Variants in ANKS1B observed in about 807,000 individuals in gnomAD.
ANKS1B encodes ankyrin repeat and sterile alpha motif domain containing 1B.
Under a neutral mutation model 148.3 loss-of-function variants are expected in ANKS1B, and 36 were observed. That is an observed-to-expected ratio of 0.24 (90% CI 0.19 to 0.32). The LOEUF (loss-of-function observed/expected upper bound fraction) is 0.32. Ranked by LOEUF, ANKS1B falls within the 10% of genes least tolerant of loss-of-function variation. The probability of loss-of-function intolerance (pLI) is 1.00; values close to 1 mark genes in which losing one functional copy is unlikely to be tolerated. For synonymous variants in ANKS1B, 542 were observed against 560.8 expected (o/e 0.97, Z 0.47); for missense variants, 1,157 against 1,542.6 (o/e 0.75, Z 4.19).
intron 17 of ANKS1B, among the ~76,000 whole-genome samples, chr12:98,902,789 T>G (rs1415140061): frequency 2.0e-5 from 3 of 152,164 alleles, no homozygotes; most frequent in Admixed American, 6.5e-5. Flanking sequence ...CCACAATAAT[T>G]ATTCAACCAG....
At chr12:99,547,346 A>G (rs985610025) in intron 9 of ANKS1B, among the ~76,000 whole-genome samples, 6 of 152,180 alleles carry the variant, frequency 3.9e-5, no homozygotes, top group African/African-American at 1.4e-4. Context: ...GGTATAAAAT[A>G]TAAGTTCTTA....
intron 9 of ANKS1B, among the ~76,000 whole-genome samples, chr12:99,573,189 C>T (rs1466652326): frequency 5.3e-5 from 8 of 152,024 alleles, no homozygotes; most frequent in Non-Finnish European, 1.0e-4. Flanking sequence ...TATTGATTTA[C>T]TAATATAGCT....
At chr12:99,331,017 T>C (rs1215064414) in intron 12 of ANKS1B, among the ~76,000 whole-genome samples, 1 of 151,992 alleles carries the variant, frequency 6.6e-6, no homozygotes, top group Non-Finnish European at 1.5e-5. Context: ...AAACAATGCA[T>C]TGATGAATCC....
intron 17 of ANKS1B, among the ~76,000 whole-genome samples, chr12:98,982,345 A>G (rs2099912448): frequency 6.6e-6 from 1 of 151,982 alleles, no homozygotes. Context: ...TCTGCTCTGC[A>G]GACTATCTTT....
At chr12:99,956,079 G>C (rs1456829952) in intron 1 of ANKS1B, among the ~76,000 whole-genome samples, 1 of 151,984 alleles carries the variant, frequency 6.6e-6, no homozygotes, top group Admixed American at 6.6e-5. Flanking sequence ...AGGAGTTCAA[G>C]ACCAGTCTGG....
chr12:99,631,243 T>C (rs1317952829), intron 9 of ANKS1B, among the ~76,000 whole-genome samples: 1 of 152,180 alleles, frequency 6.6e-6, no homozygotes, highest in Non-Finnish European at 1.5e-5. Flanking sequence ...AAATACAAAT[T>C]TATTTTCTTT....
At position 99,369,947 on chromosome 12, in the gene ANKS1B, G is replaced by A. The variant is rs796143615; in HGVS notation, c.1756+29684C>T. ...GTAGGTTGTTGGGTGATGGGCATAC[G>A]TTAATTACACTGTTCTTTCAACTTG... On this transcript the variant is annotated intron_variant, in intron 12 of 26. Coordinates refer to ENST00000683438, the MANE Select transcript of ANKS1B (RefSeq NM_001352186.2). 7.2e-5 allele frequency among the ~76,000 whole-genome samples: 11 copies of A among 152,140 alleles called. No individual in the cohort carries two copies. In the East Asian group the frequency reaches 7.7e-4, roughly 11 times the overall value.
rs1434790544 is a variant in ANKS1B, at chr12:99,324,065, A to T, written c.1756+75566T>A. On this transcript the variant is annotated intron_variant, in intron 12 of 26. Transcript: ENST00000683438. ...AAACTAGTGCTCTTAACTTTATGCC[A>T]TTCCCACAATAATCATAAGCAATGA... Among the ~76,000 whole-genome samples, 8 of 152,182 alleles carry T rather than the reference A, an allele frequency of 5.3e-5. No homozygotes were observed. The South Asian group carries it at 1.7e-3, about 31-fold the overall frequency.
chr12:99,660,352 TTTTTC>T (rs957328549), intron 8 of ANKS1B, among the ~76,000 whole-genome samples: 11 of 134,274 alleles, frequency 8.2e-5, no homozygotes, highest in Admixed American at 4.0e-4. Flanking sequence ...TTTATCTTTC[TTTTTC>T]TTTTTCTTTT....
intron 1 of ANKS1B, among the ~76,000 whole-genome samples, chr12:99,829,644 G>A (rs2083677866): frequency 6.6e-6 from 1 of 151,670 alleles, no homozygotes; most frequent in Non-Finnish European, 1.5e-5. Flanking sequence ...GCGAGACTCC[G>A]TCTCAAAAAC....
At chr12:98,787,652 G>C (rs2098807922) in intron 22 of ANKS1B, among the ~76,000 whole-genome samples, 1 of 152,176 alleles carries the variant, frequency 6.6e-6, no homozygotes, top group African/African-American at 2.4e-5. Context: ...GGGCGTGGTG[G>C]TTCTCGCCTG....
intron 19 of ANKS1B, among the ~76,000 whole-genome samples, chr12:98,815,960 A>T (rs964949496): frequency 6.6e-6 from 1 of 152,146 alleles, no homozygotes; most frequent in Admixed American, 6.5e-5. Context: ...AACACAGAAG[A>T]TAATTCAGTC....
At chr12:99,136,089 T>A (rs921174908) in intron 15 of ANKS1B, among the ~76,000 whole-genome samples, 1 of 152,090 alleles carries the variant, frequency 6.6e-6, no homozygotes, top group Non-Finnish European at 1.5e-5. Context: ...ACAGGAAAGA[T>A]TAAACAGGGT....
intron 15 of ANKS1B, among the ~76,000 whole-genome samples, chr12:99,109,471 C>G (rs2059859999): frequency 6.6e-6 from 1 of 152,098 alleles, no homozygotes. Flanking sequence ...AATTTCCTAG[C>G]TATAAGCTTG....
At chr12:99,450,189 C>G (rs151135556) in intron 10 of ANKS1B, among the ~76,000 whole-genome samples, 1 of 152,236 alleles carries the variant, frequency 6.6e-6, no homozygotes, top group African/African-American at 2.4e-5. Context: ...AGTGTTCCAG[C>G]TCAAGAGGTC....
intron 15 of ANKS1B, among the ~76,000 whole-genome samples, chr12:99,089,622 A>G (rs917771117): frequency 2.0e-5 from 3 of 152,184 alleles, no homozygotes; most frequent in African/African-American, 7.2e-5. Context: ...AAAAATACTC[A>G]TGAGTTTTTC....
At chr12:99,602,296 A>G (rs532637071) in intron 9 of ANKS1B, among the ~76,000 whole-genome samples, 2 of 152,174 alleles carry the variant, frequency 1.3e-5, no homozygotes, top group South Asian at 2.1e-4. Context: ...TCCTGAAAAT[A>G]TGTCTGTCCA....
chr12:99,006,007 C>G (rs1184044926), intron 17 of ANKS1B, among the ~76,000 whole-genome samples: 1 of 152,158 alleles, frequency 6.6e-6, no homozygotes, highest in Non-Finnish European at 1.5e-5. Flanking sequence ...CTCTTCTAAC[C>G]CCTTCAAGCA....
At chr12:99,217,238 TC>T (rs1435574010) in intron 14 of ANKS1B, among the ~76,000 whole-genome samples, 5 of 151,990 alleles carry the variant, frequency 3.3e-5, no homozygotes, top group Non-Finnish European at 7.4e-5. Flanking sequence ...CATTCACTCC[TC>T]CCCCTGAACA....
Sources: allele counts gnomAD v4.1 joint callset (sites outside exome capture counted in the v4.1 genomes callset), GRCh38; gene constraint gnomAD v4.1.1; transcripts MANE v1.5; gene names NCBI Gene and HGNC (gene_info 2026-07-23, HGNC 2026-07-21).